Variants in SPECC1L observed in about 807,000 individuals in gnomAD.
SPECC1L encodes the protein cytospin-A.
SPECC1L carries 40 observed loss-of-function variants against 116.8 expected under a neutral mutation model. The observed-to-expected ratio is 0.34, with a 90% CI of 0.27 to 0.45. The LOEUF is 0.45. SPECC1L is among the 20% of genes least tolerant of loss of function. The pLI, the probability that SPECC1L is intolerant of heterozygous loss-of-function variation, is 1.00. For synonymous variants in SPECC1L, 504 were observed against 500.6 expected (o/e 1.01, Z -0.09); for missense variants, 1,110 against 1,373.6 (o/e 0.81, Z 3.03).
At chr22:24,386,438 G>T (rs1361942246) in intron 14 of SPECC1L, among the ~76,000 whole-genome samples, 3 of 152,044 alleles carry the variant, frequency 2.0e-5, no homozygotes, top group Non-Finnish European at 4.4e-5. Flanking sequence ...AGTCAGTGCA[G>T]TAAGGCAGAA....
At chr22:24,395,682 G>A (rs1279699158) in intron 14 of SPECC1L, among the ~76,000 whole-genome samples, 1 of 152,138 alleles carries the variant, frequency 6.6e-6, no homozygotes, top group Non-Finnish European at 1.5e-5. Context: ...CTGTCTCCCA[G>A]GCTGGAGTGC....
At chr22:24,364,940 C>A (rs1253867989) in intron 12 of SPECC1L, among the ~76,000 whole-genome samples, 1 of 152,148 alleles carries the variant, frequency 6.6e-6, no homozygotes, top group East Asian at 1.9e-4. Flanking sequence ...AAGGCACACT[C>A]CTTGTCTATA....
chr22:24,375,741 G>T (rs544598093), intron 14 of SPECC1L, among the ~76,000 whole-genome samples: 30 of 152,234 alleles, frequency 2.0e-4, no homozygotes, highest in African/African-American at 7.0e-4. Flanking sequence ...ATCAGTTGAG[G>T]CCAGGAGTTC....
chr22:24,330,209 TC>T, intron 7 of SPECC1L, 46 bp from the exon 8 acceptor site: 1 of 1,590,232 alleles, frequency 6.3e-7, no homozygotes, highest in Non-Finnish European at 8.6e-7. Context: ...TTTAAATAAA[TC>T]TTGATTGCTC....
intron 14 of SPECC1L, among the ~76,000 whole-genome samples, chr22:24,403,233 A>G (rs1435748466): frequency 6.6e-6 from 1 of 152,168 alleles, no homozygotes; most frequent in Non-Finnish European, 1.5e-5. Flanking sequence ...TTCTTCTGGC[A>G]CATGTCATCT....
At chr22:24,354,191 C>T (rs573091310) in intron 11 of SPECC1L, among the ~76,000 whole-genome samples, 1 of 152,298 alleles carries the variant, frequency 6.6e-6, no homozygotes, top group South Asian at 2.1e-4. Context: ...TCCTACCAGG[C>T]CCACCTCCAA....
At chr22:24,273,943 A>G (rs1320863387) in intron 1 of SPECC1L, among the ~76,000 whole-genome samples, 1 of 152,172 alleles carries the variant, frequency 6.6e-6, no homozygotes, top group Non-Finnish European at 1.5e-5. Context: ...TTTTTAGTAG[A>G]GACAGGGTTT....
intron 2 of SPECC1L, among the ~76,000 whole-genome samples, chr22:24,279,178 A>C (rs1044959270): frequency 6.6e-6 from 1 of 152,176 alleles, no homozygotes; most frequent in African/African-American, 2.4e-5. Context: ...CTTACAGTAA[A>C]AGCTGCTTTA....
intron 4 of SPECC1L, among the ~76,000 whole-genome samples, chr22:24,320,988 T>C (rs1223904384): frequency 2.0e-5 from 3 of 152,244 alleles, no homozygotes; most frequent in Admixed American, 2.0e-4. Context: ...TTCAAGTTAA[T>C]GTATATCATT....
chr22:24,280,576 CATTTTT>C (rs1323064204), intron 2 of SPECC1L, among the ~76,000 whole-genome samples: 2 of 138,806 alleles, frequency 1.4e-5, no homozygotes, highest in African/African-American at 5.4e-5. Context: ...GTTTCAATAA[CATTTTT>C]TTTTTTTTTT....
intron 8 of SPECC1L, among the ~76,000 whole-genome samples, chr22:24,330,786 G>T (rs572247196): frequency 3.3e-5 from 5 of 152,262 alleles, no homozygotes; most frequent in East Asian, 3.9e-4. Context: ...CTTGGCTCGT[G>T]TCCAGCTCTG....
intron 12 of SPECC1L, 60 bp from the exon 13 acceptor site, chr22:24,365,415 AT>A: frequency 6.5e-7 from 1 of 1,543,708 alleles, no homozygotes; most frequent in East Asian, 2.3e-5. Flanking sequence ...GAAAAAAAAA[AT>A]CTCAAGAACT....
At chr22:24,359,977 C>T (rs568967611) in intron 11 of SPECC1L, among the ~76,000 whole-genome samples, 2 of 152,262 alleles carry the variant, frequency 1.3e-5, no homozygotes, top group African/African-American at 4.8e-5. Context: ...ACTCTAGACC[C>T]CAAGTTCCAT....
At chr22:24,411,513 T>G (rs1601372674) in intron 14 of SPECC1L, 75 bp from the exon 15 acceptor site, 12 of 1,357,168 alleles carry the variant, frequency 8.8e-6, no homozygotes, top group East Asian at 4.6e-5. Flanking sequence ...ATCTGAGGCC[T>G]CCTGCGTCCT....
In SPECC1L at chr22:24,289,801, T is replaced by C. The variant is rs62233075; in HGVS notation, c.-37-12394T>C. Reference sequence around the variant, plus strand: ...CTAACCAAAGTTTGTTTTTCCTTTCTGTCCACGTGGGGTTATTATGAGAAT... The same window carrying C: ...CTAACCAAAGTTTGTTTTTCCTTTCCGTCCACGTGGGGTTATTATGAGAAT... On this transcript the variant is annotated intron_variant, in intron 2 of 16. Coordinates refer to ENST00000314328, the MANE Select transcript of SPECC1L (RefSeq NM_015330.6). Among the ~76,000 whole-genome samples, 1,185 of 152,244 alleles carry C rather than the reference T, an allele frequency of 7.8e-3. 9 individuals carry two copies. The highest frequency in any genetic ancestry group is 0.024 in the South Asian group (116 of 4,824).
chr22:24,399,030 A>G (rs1033165437), intron 14 of SPECC1L, among the ~76,000 whole-genome samples: 1 of 152,250 alleles, frequency 6.6e-6, no homozygotes, highest in Non-Finnish European at 1.5e-5. Flanking sequence ...AAAACTGCTC[A>G]CAACATGCTC....
At chr22:24,343,585 T>G (rs919574276) in intron 10 of SPECC1L, 23 of 380,102 alleles carry the variant, frequency 6.1e-5, no homozygotes, top group Non-Finnish European at 1.1e-4. Flanking sequence ...CTCAGCCCCC[T>G]GAGTAGCTGG....
intron 6 of SPECC1L, 80 bp downstream of exon 6, chr22:24,324,507 A>T: frequency 7.6e-7 from 1 of 1,318,460 alleles, no homozygotes; most frequent in East Asian, 2.5e-5. Context: ...GTAATAAAAT[A>T]GGGCTGGGCA....
chr22:24,358,141 G>T (rs1310856620), intron 11 of SPECC1L, among the ~76,000 whole-genome samples: 1 of 144,924 alleles, frequency 6.9e-6, no homozygotes, highest in Non-Finnish European at 1.5e-5. Flanking sequence ...TTGAGGCAGA[G>T]TCTCACTCTG....
Sources: gnomAD v4.1 joint callset for allele counts (sites outside exome capture counted in the v4.1 genomes callset) on GRCh38, gnomAD v4.1.1 for gene constraint, MANE v1.5 for transcripts, NCBI Gene and HGNC (gene_info 2026-07-23, HGNC 2026-07-21) for gene names.